The following GNAT3 variants were observed in gnomAD, a reference collection of about 807,000 sequenced individuals.
GNAT3 encodes the protein G protein subunit alpha transducin 3, also known as guanine nucleotide-binding protein G(t) subunit alpha-3.
A neutral mutation model predicts 37.7 loss-of-function variants in GNAT3; 31 were observed. The observed-to-expected ratio is 0.82, with a 90% CI of 0.62 to 1.11. The LOEUF (loss-of-function observed/expected upper bound fraction) is 1.11, where lower values mean the gene tolerates loss of function less well. Among genes scored for constraint, GNAT3 ranks in the 50% most tolerant of loss-of-function variants. The pLI is 0.00. For missense variants in GNAT3, 437 were observed against 412.5 expected (o/e 1.06, Z -0.51); for synonymous variants, 138 against 139.8 (o/e 0.99, Z 0.09).
At chr7:80,481,561 AT>A (rs941688002) in intron 3 of GNAT3, among the ~76,000 whole-genome samples, 2 of 152,276 alleles carry the variant, frequency 1.3e-5, no homozygotes, top group East Asian at 1.9e-4. Flanking sequence ...CCCCAAATAT[AT>A]TTTTTTGGCA....
At chr7:80,493,047 G>A (rs10268151) in intron 2 of GNAT3, among the ~76,000 whole-genome samples, 17,342 of 151,762 alleles carry the variant, frequency 0.11, 2,662 homozygotes, top group African/African-American at 0.35. Context: ...CTAGTCACCA[G>A]TTATTTATCA....
At chr7:80,509,755 A>C (rs1326233421) in intron 1 of GNAT3, among the ~76,000 whole-genome samples, 1 of 152,126 alleles carries the variant, frequency 6.6e-6, no homozygotes, top group African/African-American at 2.4e-5. Flanking sequence ...TCTTTTGTCC[A>C]TCATTACATT....
chr7:80,480,366 T>C (rs1276793844), intron 3 of GNAT3, among the ~76,000 whole-genome samples: 1 of 152,074 alleles, frequency 6.6e-6, no homozygotes, highest in Non-Finnish European at 1.5e-5. Flanking sequence ...AGTAAACCAG[T>C]AAATACAATA....
chr7:80,472,271 G>C (rs1228168327), intron 5 of GNAT3, among the ~76,000 whole-genome samples: 1 of 152,010 alleles, frequency 6.6e-6, no homozygotes, highest in East Asian at 1.9e-4. Context: ...GACTGAAATT[G>C]ACCATGGTGG....
intron 1 of GNAT3, among the ~76,000 whole-genome samples, chr7:80,496,759 A>C (rs1332979284): frequency 6.6e-6 from 1 of 152,000 alleles, no homozygotes; most frequent in East Asian, 1.9e-4. Flanking sequence ...TTTTTTCCTC[A>C]CTGAAATGTT....
intron 5 of GNAT3, among the ~76,000 whole-genome samples, chr7:80,469,000 A>G (rs898640022): frequency 7.9e-5 from 12 of 152,116 alleles, no homozygotes; most frequent in African/African-American, 2.7e-4. Flanking sequence ...TGCCTGAAAC[A>G]AATATATAGT....
chr7:80,510,096 T>C lies in GNAT3; in HGVS notation c.118+1713A>G, dbSNP rs368807226. 1.1e-3 allele frequency among the ~76,000 whole-genome samples: 165 copies of C among 152,232 alleles called. 6 individuals are homozygous for C. In the South Asian group the frequency reaches 0.033, roughly 30 times the overall value. ...TTTATTCTTCCTATTTAACTGTAAT[T>C]TTGTGTCCTTTGACCAACAACTCCC... On this transcript the variant is annotated intron_variant, in intron 1 of 7. Coordinates refer to ENST00000398291, the MANE Select transcript of GNAT3 (RefSeq NM_001102386.3).
intron 1 of GNAT3, among the ~76,000 whole-genome samples, chr7:80,504,247 T>C (rs1363444314): frequency 6.6e-6 from 1 of 151,966 alleles, no homozygotes; most frequent in South Asian, 2.1e-4. Context: ...GCCCAGGAAG[T>C]TGGGGCTGCA....
At chr7:80,494,938 A>G (rs1790687422) in intron 1 of GNAT3, among the ~76,000 whole-genome samples, 1 of 152,042 alleles carries the variant, frequency 6.6e-6, no homozygotes, top group Non-Finnish European at 1.5e-5. Context: ...CTTTATGTCC[A>G]TGTGTGTGCA....
At chr7:80,486,298 G>T in intron 3 of GNAT3, among the ~76,000 whole-genome samples, 1 of 152,140 alleles carries the variant, frequency 6.6e-6, no homozygotes, top group South Asian at 2.1e-4. Flanking sequence ...TGCTGCTTAA[G>T]TTGATCTGTT....
At position 80,505,520 on chromosome 7, in the gene GNAT3, A is replaced by C. The variant is rs373946083; in HGVS notation, c.118+6289T>G. Among the ~76,000 whole-genome samples the C allele has an allele frequency of 4.3e-4, 66 of 152,142 alleles. 1 individual carries two copies. The highest frequency in any genetic ancestry group is 2.5e-3 in the Admixed American group (38 of 15,298). ...TAGCTGGGACTACAGGCGCCCGCCA[A>C]CACGCCCGGCTAACTTTTTATATTT... On this transcript the variant is annotated intron_variant, in intron 1 of 7. Transcript: ENST00000398291.
At chr7:80,480,121 G>C (rs1238231475) in intron 3 of GNAT3, among the ~76,000 whole-genome samples, 1 of 152,142 alleles carries the variant, frequency 6.6e-6, no homozygotes, top group African/African-American at 2.4e-5. Flanking sequence ...TTGAGTTTCA[G>C]AATAACTAAA....
chr7:80,509,666 T>C (rs1166432224), intron 1 of GNAT3, among the ~76,000 whole-genome samples: 2 of 151,984 alleles, frequency 1.3e-5, no homozygotes, highest in Admixed American at 1.3e-4. Context: ...CTCTGTGGAG[T>C]GGTAAAATTT....
rs772886967 is a variant in GNAT3 at position 80,488,585 on chromosome 7, C to G, written c.253G>C (p.Val85Leu). ...ATTCCAAGGGTAGTCATGGCTTTCACAATAGCTAGGATGGATTGCAATGTA... is the reference window on the plus strand; with the variant it reads ...ATTCCAAGGGTAGTCATGGCTTTCAGAATAGCTAGGATGGATTGCAATGTA... ...SNTLQSILAI[V>L]KAMTTLGIDY... Residue 85 changes from valine (V) to leucine (L), a missense_variant, in exon 3 of 8, where the codon GTG becomes CTG. Val to Leu is a conservative substitution (Grantham distance 32, BLOSUM62 1). Transcript: ENST00000398291. The G allele has an allele frequency of 6.3e-7, 1 of 1,599,752 alleles. No homozygotes were observed. Among genetic ancestry groups the G allele is most frequent in the Non-Finnish European group, 8.5e-7 (1 of 1,171,776 alleles).
intron 1 of GNAT3, among the ~76,000 whole-genome samples, chr7:80,500,907 C>T (rs2116221699): frequency 6.6e-6 from 1 of 151,988 alleles, no homozygotes; most frequent in East Asian, 1.9e-4. Flanking sequence ...AACCTTTTCT[C>T]TTTTTGCATT....
chr7:80,495,826 T>C (rs879688851), intron 1 of GNAT3, among the ~76,000 whole-genome samples: 13 of 152,176 alleles, frequency 8.5e-5, no homozygotes, highest in Non-Finnish European at 1.5e-4. Flanking sequence ...TTTTCTTACA[T>C]GATTGTTAGC....
intron 5 of GNAT3, among the ~76,000 whole-genome samples, chr7:80,469,101 A>T (rs1584170063): frequency 6.6e-6 from 1 of 152,252 alleles, no homozygotes; most frequent in Middle Eastern, 3.4e-3. Flanking sequence ...ATTCACTCCT[A>T]TCTGAGATGA....
intron 5 of GNAT3, among the ~76,000 whole-genome samples, chr7:80,469,120 C>G (rs1213640480): frequency 2.6e-5 from 4 of 152,040 alleles, no homozygotes; most frequent in African/African-American, 9.7e-5. Context: ...GATTCATATG[C>G]CACACAAATG....
chr7:80,508,601 A>G (rs1044796638), intron 1 of GNAT3, among the ~76,000 whole-genome samples: 1 of 152,070 alleles, frequency 6.6e-6, no homozygotes, highest in Non-Finnish European at 1.5e-5. Context: ...TCAGCAATGT[A>G]TGAGTCATCT....
Sources: allele counts gnomAD v4.1 joint callset (sites outside exome capture counted in the v4.1 genomes callset), GRCh38; gene constraint gnomAD v4.1.1; transcripts MANE v1.5; gene names NCBI Gene and HGNC (gene_info 2026-07-23, HGNC 2026-07-21).